Variants in GALNT14 observed in about 807,000 individuals in gnomAD.
GALNT14 encodes UDP-GalNAc:polypeptide N-acetylgalactosaminyltransferase 14.
Under a neutral mutation model 77.5 loss-of-function variants are expected in GALNT14, and 60 were observed. The observed-to-expected ratio is 0.77, with a 90% CI of 0.63 to 0.96. The LOEUF is 0.96. Ranked by LOEUF, GALNT14 falls within the 40% of genes least tolerant of loss-of-function variation. GALNT14 has a pLI of 0.00. For synonymous variants in GALNT14, 280 were observed against 281.7 expected, an observed-to-expected ratio of 0.99 and a Z score of 0.06; for missense variants, 710 against 731.0, an observed-to-expected ratio of 0.97 and a Z score of 0.33.
downstream of GALNT14, among the ~76,000 whole-genome samples, chr2:30,909,918 G>T (rs2148190719): frequency 6.6e-6 from 1 of 151,966 alleles, no homozygotes; most frequent in Admixed American, 6.5e-5. Context: ...TAGGGACATG[G>T]ATGAAATTGG....
chr2:31,002,803 A>G (rs774710538), intron 1 of GALNT14, among the ~76,000 whole-genome samples: 27 of 152,190 alleles, frequency 1.8e-4, no homozygotes, highest in Non-Finnish European at 1.9e-4. Flanking sequence ...CGTGCAGAAC[A>G]AGTTCCAGTG....
intron 2 of GALNT14, among the ~76,000 whole-genome samples, chr2:30,969,884 A>G (rs1668242512): frequency 6.6e-6 from 1 of 152,202 alleles, no homozygotes; most frequent in African/African-American, 2.4e-5. Flanking sequence ...GACCATAGCT[A>G]ACATTCAATA....
At chr2:31,029,027 T>A (rs1368707554) in intron 1 of GALNT14, among the ~76,000 whole-genome samples, 1 of 152,182 alleles carries the variant, frequency 6.6e-6, no homozygotes, top group Non-Finnish European at 1.5e-5. Context: ...CTCAATTCTC[T>A]GGGGGTTGCT....
chr2:30,928,875 A>C (rs1239840311), intron 11 of GALNT14, among the ~76,000 whole-genome samples: 1 of 152,130 alleles, frequency 6.6e-6, no homozygotes, highest in African/African-American at 2.4e-5. Context: ...TCGGCCTCCC[A>C]AAGTGCTGGG....
chr2:31,035,862 G>T, intron 1 of GALNT14, among the ~76,000 whole-genome samples: 1 of 151,976 alleles, frequency 6.6e-6, no homozygotes, highest in East Asian at 1.9e-4. Context: ...CTACTGTAGG[G>T]TGGATGGTGG....
chr2:30,952,760 T>TAA (rs397800006), intron 6 of GALNT14, among the ~76,000 whole-genome samples: 195 of 131,926 alleles, frequency 1.5e-3, no homozygotes, highest in Middle Eastern at 3.7e-3. Flanking sequence ...TAAAGCATAA[T>TAA]AAAAAAAAAA....
intron 1 of GALNT14, among the ~76,000 whole-genome samples, chr2:30,998,533 T>C (rs996406183): frequency 2.0e-5 from 3 of 152,252 alleles, no homozygotes; most frequent in African/African-American, 7.2e-5. Flanking sequence ...TATCCTACCA[T>C]GAACTGTGTC....
chr2:31,073,569 A>C (rs1473094878), intron 1 of GALNT14, among the ~76,000 whole-genome samples: 1 of 152,176 alleles, frequency 6.6e-6, no homozygotes, highest in Admixed American at 6.5e-5. Flanking sequence ...GAGGGAAAAC[A>C]ACTGCAAAGG....
chr2:31,121,977 C>A (rs1678434970), intron 1 of GALNT14, among the ~76,000 whole-genome samples: 1 of 152,114 alleles, frequency 6.6e-6, no homozygotes, highest in Non-Finnish European at 1.5e-5. Context: ...CATCTTCTAT[C>A]ATTTACAAAA....
At chr2:30,891,487 C>G in the GALNT14 span, among the ~76,000 whole-genome samples, 13 of 152,194 alleles carry the variant, frequency 8.5e-5, no homozygotes, top group Admixed American at 2.6e-4. Flanking sequence ...AATTAAAAAG[C>G]AAAGCAAATG....
intron 1 of GALNT14, among the ~76,000 whole-genome samples, chr2:31,014,711 T>G (rs945498244): frequency 6.6e-6 from 1 of 152,158 alleles, no homozygotes; most frequent in Non-Finnish European, 1.5e-5. Flanking sequence ...TCACTTGAAC[T>G]CTCCCTATTT....
chr2:31,108,331 G>T (rs1170322875), intron 1 of GALNT14, among the ~76,000 whole-genome samples: 1 of 152,222 alleles, frequency 6.6e-6, no homozygotes, highest in Non-Finnish European at 1.5e-5. Context: ...AAAGCAATTT[G>T]CTTGCCAAGG....
intron 1 of GALNT14, among the ~76,000 whole-genome samples, chr2:31,102,427 T>C (rs1446713183): frequency 6.6e-6 from 1 of 152,150 alleles, no homozygotes; most frequent in Non-Finnish European, 1.5e-5. Flanking sequence ...GTATTTTTTG[T>C]TTTGTTTGGA....
At chr2:31,063,240 G>A (rs1370781918) in intron 1 of GALNT14, among the ~76,000 whole-genome samples, 1 of 152,178 alleles carries the variant, frequency 6.6e-6, no homozygotes, top group African/African-American at 2.4e-5. Context: ...TTTTGTATAA[G>A]GTGTAAGGAA....
At chr2:30,951,745 G>A (rs1667040335) in intron 6 of GALNT14, among the ~76,000 whole-genome samples, 1 of 152,208 alleles carries the variant, frequency 6.6e-6, no homozygotes, top group Non-Finnish European at 1.5e-5. Flanking sequence ...CCACTGCTGT[G>A]ACGGCTGCAC....
intron 1 of GALNT14, chr2:31,132,482 A>C (rs761725395): frequency 1.6e-5 from 4 of 253,656 alleles, no homozygotes; most frequent in Non-Finnish European, 3.2e-5. Flanking sequence ...GAAAGAAAGC[A>C]CAGCACCTTG....
At chr2:30,919,306 AT>A (rs1306105540) in intron 13 of GALNT14, among the ~76,000 whole-genome samples, 1 of 152,160 alleles carries the variant, frequency 6.6e-6, no homozygotes, top group Non-Finnish European at 1.5e-5. Context: ...CAGATTAAAT[AT>A]TTTGCTCCCA....
At chr2:31,134,023 G>A (rs548641085) in intron 1 of GALNT14, among the ~76,000 whole-genome samples, 6 of 152,254 alleles carry the variant, frequency 3.9e-5, no homozygotes, top group Admixed American at 3.9e-4. Flanking sequence ...TTGCACTGGG[G>A]CCCAGCGACC....
intron 1 of GALNT14, among the ~76,000 whole-genome samples, chr2:31,028,162 G>A (rs910916579): frequency 1.3e-5 from 2 of 152,184 alleles, no homozygotes; most frequent in African/African-American, 4.8e-5. Flanking sequence ...AGTGCAGGAA[G>A]TTGAGGTCCT....
Sources: gnomAD v4.1 joint callset for allele counts (sites outside exome capture counted in the v4.1 genomes callset) on GRCh38, gnomAD v4.1.1 for gene constraint, MANE v1.5 for transcripts, NCBI Gene and HGNC (gene_info 2026-07-23, HGNC 2026-07-21) for gene names.